Variants in CNIH3 observed in about 807,000 individuals in gnomAD.
CNIH3 encodes the protein cornichon family AMPA receptor auxiliary protein 3.
In CNIH3, 14 loss-of-function variants were observed where a neutral mutation model predicts 24.1. The observed-to-expected ratio is 0.58, with a 90% CI of 0.38 to 0.91. CNIH3 has a LOEUF of 0.91. Ranked by LOEUF, CNIH3 falls within the 40% of genes least tolerant of loss-of-function variation. CNIH3 has a pLI of 0.00. For synonymous variants in CNIH3, 68 were observed against 73.8 expected, an observed-to-expected ratio of 0.92 and a Z score of 0.40; for missense variants, 178 against 196.8, an observed-to-expected ratio of 0.90 and a Z score of 0.57.
intron 1 of CNIH3, among the ~76,000 whole-genome samples, chr1:224,516,638 G>A (rs980545926): frequency 6.6e-6 from 1 of 152,226 alleles, no homozygotes; most frequent in Non-Finnish European, 1.5e-5. Flanking sequence ...CAGTGGTGCT[G>A]GCCCTCCATG....
chr1:224,610,166 G>T (rs1292001695), intron 3 of CNIH3, among the ~76,000 whole-genome samples: 1 of 152,166 alleles, frequency 6.6e-6, no homozygotes, highest in African/African-American at 2.4e-5. Context: ...TTTAAGGTAG[G>T]TTAGGCTAAG....
intron 1 of CNIH3, among the ~76,000 whole-genome samples, chr1:224,452,350 A>T (rs1461143348): frequency 2.6e-5 from 4 of 151,694 alleles, no homozygotes; most frequent in African/African-American, 7.3e-5. Flanking sequence ...GGGTTTCACC[A>T]TGTTGGGCAG....
intron 1 of CNIH3, among the ~76,000 whole-genome samples, chr1:224,501,520 TA>T (rs1211732925): frequency 5.2e-4 from 50 of 96,532 alleles, no homozygotes; most frequent in Middle Eastern, 7.1e-3. Context: ...TATATATATA[TA>T]TATATTTTTT....
intron 1 of CNIH3, among the ~76,000 whole-genome samples, chr1:224,498,341 G>C (rs1319214744): frequency 6.6e-6 from 1 of 152,200 alleles, no homozygotes; most frequent in Non-Finnish European, 1.5e-5. Flanking sequence ...ATGAATCACT[G>C]CTGGGCCCGG....
chr1:224,526,814 G>A (rs1217146791), intron 2 of CNIH3, among the ~76,000 whole-genome samples: 1 of 152,108 alleles, frequency 6.6e-6, no homozygotes, highest in Admixed American at 6.6e-5. Flanking sequence ...CTTCCGGGGA[G>A]GCCTCTAGAA....
At chr1:224,695,938 C>T (rs944948912) in intron 3 of CNIH3, among the ~76,000 whole-genome samples, 2 of 152,196 alleles carry the variant, frequency 1.3e-5, no homozygotes, top group African/African-American at 2.4e-5. Flanking sequence ...TTCATAATAT[C>T]CTTCTCCTCT....
intron 1 of CNIH3, among the ~76,000 whole-genome samples, chr1:224,501,527 T>TATATATATATA (rs1558111650): frequency 4.1e-5 from 4 of 96,476 alleles, no homozygotes; most frequent in African/African-American, 1.4e-4. Context: ...ATATATATAT[T>TATATATATATA]TTTTTTTTTT....
At chr1:224,436,299 AG>A (rs1415782465) in intron 1 of CNIH3, among the ~76,000 whole-genome samples, 1 of 152,230 alleles carries the variant, frequency 6.6e-6, no homozygotes, top group Non-Finnish European at 1.5e-5. Context: ...TAACACCCTC[AG>A]AGAGCCCTGT....
At chr1:224,457,922 A>G (rs1675747844) in intron 1 of CNIH3, among the ~76,000 whole-genome samples, 1 of 152,250 alleles carries the variant, frequency 6.6e-6, no homozygotes, top group Non-Finnish European at 1.5e-5. Context: ...ACCAGAAGCT[A>G]TACATGGTGG....
chr1:224,728,335 GGATTGGTTA>G (rs1689144517), intron 3 of CNIH3, among the ~76,000 whole-genome samples: 1 of 152,128 alleles, frequency 6.6e-6, no homozygotes, highest in Non-Finnish European at 1.5e-5. Context: ...GGGGTAGATA[GGATTGGTTA>G]TCACAGCTCT....
downstream of CNIH3, among the ~76,000 whole-genome samples, chr1:224,540,888 A>G (rs942691329): frequency 3.9e-5 from 6 of 152,240 alleles, no homozygotes; most frequent in African/African-American, 1.4e-4. Flanking sequence ...AGAATTAAAC[A>G]GTGTTCAACT....
chr1:224,463,187 T>C (rs1344143744), intron 1 of CNIH3, among the ~76,000 whole-genome samples: 1 of 152,158 alleles, frequency 6.6e-6, no homozygotes, highest in Admixed American at 6.5e-5. Flanking sequence ...TGAGGCACTG[T>C]GCCTGGCCTG....
intron 3 of CNIH3, among the ~76,000 whole-genome samples, chr1:224,559,099 C>T (rs1680259881): frequency 6.6e-6 from 1 of 152,130 alleles, no homozygotes; most frequent in African/African-American, 2.4e-5. Flanking sequence ...ACATGAGTCA[C>T]AGTGTTTCAT....
At chr1:224,571,703 C>A (rs140556332) in intron 4 of CNIH3, among the ~76,000 whole-genome samples, 2 of 152,034 alleles carry the variant, frequency 1.3e-5, no homozygotes, top group Admixed American at 1.3e-4. Context: ...CCAGCCTTGG[C>A]GACAGAGTGA....
At chr1:224,521,536 C>T (rs1016696545) in intron 2 of CNIH3, 5 of 152,104 alleles carry the variant, frequency 3.3e-5, no homozygotes, top group South Asian at 2.1e-4. Context: ...GATCTGAGCC[C>T]GGTCAGTGAG....
intron 2 of CNIH3, among the ~76,000 whole-genome samples, chr1:224,683,688 C>T (rs548674689): frequency 7.9e-5 from 12 of 152,346 alleles, no homozygotes; most frequent in African/African-American, 2.9e-4. Context: ...CTCCTCGTTT[C>T]TCATGTTTTC....
chr1:224,560,840 C>T (rs1680342452), intron 3 of CNIH3, among the ~76,000 whole-genome samples: 1 of 152,116 alleles, frequency 6.6e-6, no homozygotes, highest in Non-Finnish European at 1.5e-5. Flanking sequence ...TGAAACCATT[C>T]CCCTGGGTCT....
At chr1:224,593,659 C>A (rs1290787542) in intron 3 of CNIH3, among the ~76,000 whole-genome samples, 3 of 151,706 alleles carry the variant, frequency 2.0e-5, no homozygotes, top group African/African-American at 7.3e-5. Context: ...ATATGGACCC[C>A]ACAAATAGGT....
chr1:224,530,817 C>T (rs61155217), intron 2 of CNIH3, among the ~76,000 whole-genome samples: 4,573 of 152,142 alleles, frequency 0.03, 241 homozygotes, highest in African/African-American at 0.1. Flanking sequence ...CCAGGATGGT[C>T]GCGATCTCCT....
Sources: gnomAD v4.1 joint callset for allele counts (sites outside exome capture counted in the v4.1 genomes callset) on GRCh38, gnomAD v4.1.1 for gene constraint, MANE v1.5 for transcripts, NCBI Gene and HGNC (gene_info 2026-07-23, HGNC 2026-07-21) for gene names.